GYPB: variants seen among roughly 807,000 people sequenced by gnomAD.
The protein encoded by GYPB is glycophorin B (MNS blood group).
Under a neutral mutation model 15.3 loss-of-function variants are expected in GYPB, and 13 were observed. The observed-to-expected ratio is 0.85, with a 90% CI of 0.55 to 1.35. GYPB has a LOEUF of 1.35. Ranked by LOEUF, GYPB falls within the 40% of genes most tolerant of loss-of-function variation. GYPB has a pLI of 0.00. For synonymous variants in GYPB, 38 were observed against 36.9 expected, an observed-to-expected ratio of 1.03 and a Z score of -0.11; for missense variants, 131 against 108.3, an observed-to-expected ratio of 1.21 and a Z score of -0.93.
intron 4 of GYPB, 163 bp downstream of exon 4, chr4:143,997,377 A>AAC (rs397792907): frequency 1.9e-6 from 1 of 525,592 alleles, no homozygotes; most frequent in Non-Finnish European, 3.5e-6. Flanking sequence ...GCAAAAAAAA[A>AAC]ATTCTGCTAG....
At chr4:144,000,081 A>T in intron 2 of GYPB, 2 of 174,270 alleles carry the variant, frequency 1.1e-5, no homozygotes, top group East Asian at 1.7e-4. Context: ...CTCTTATACC[A>T]AAGCCACACA....
chr4:144,004,812 A>G (rs745863021), intron 1 of GYPB, among the ~76,000 whole-genome samples: 53 of 151,986 alleles, frequency 3.5e-4, no homozygotes, highest in Non-Finnish European at 6.8e-4. Flanking sequence ...GCTAATAGAC[A>G]TCTGTGGACA....
Position 144,010,717 on chromosome 4 carries a change from C to T in GYPB, c.37+8534G>A, listed in dbSNP as rs149641115. 2.7e-3 allele frequency among the ~76,000 whole-genome samples: 402 copies of T among 151,398 alleles called. 5 individuals are homozygous for T. The highest frequency in any genetic ancestry group is 4.4e-3 in the Admixed American group (67 of 15,280). The stretch of plus-strand genomic sequence containing the variant: ...TAGCGTATGACATACCTGAAATGCA[C>T]TCACGGCCCGCACAAGCCATTGACC... On this transcript the variant is annotated intron_variant, in intron 1 of 4. Transcript: ENST00000502664.
intron 2 of GYPB, chr4:144,000,281 T>C: frequency 4.7e-6 from 1 of 214,074 alleles, no homozygotes; most frequent in South Asian, 7.5e-5. Context: ...AGTTGGGTTT[T>C]CTGTCACGAA....
chr4:144,003,412 C>A (rs987080799), intron 1 of GYPB, among the ~76,000 whole-genome samples: 5 of 151,254 alleles, frequency 3.3e-5, no homozygotes, highest in Non-Finnish European at 5.9e-5. Flanking sequence ...AGGTCCTTAT[C>A]ACTTCTTAAC....
At chr4:144,003,609 G>C (rs1727733907) in intron 1 of GYPB, among the ~76,000 whole-genome samples, 2 of 151,506 alleles carry the variant, frequency 1.3e-5, no homozygotes, top group South Asian at 4.1e-4. Context: ...TTTAAGCAAA[G>C]TATATGTAAC....
intron 1 of GYPB, chr4:144,008,345 T>G: frequency 2.2e-6 from 1 of 453,574 alleles, no homozygotes; most frequent in Non-Finnish European, 4.4e-6. Context: ...AAGCCTTCAC[T>G]TCAGCAAATC....
chr4:144,005,647 A>G (rs1228643181), intron 1 of GYPB, among the ~76,000 whole-genome samples: 2 of 151,664 alleles, frequency 1.3e-5, no homozygotes, highest in South Asian at 2.1e-4. Flanking sequence ...TCCAGTCTCT[A>G]CCTGAAAAAT....
chr4:143,999,732 A>C (rs12499906), intron 2 of GYPB, among the ~76,000 whole-genome samples: 41,798 of 151,196 alleles, frequency 0.28, 6,612 homozygotes, highest in Middle Eastern at 0.34. Context: ...GTATTGGAAG[A>C]ATCACTTATT....
chr4:143,996,099 A>G, downstream of GYPB: 3 of 1,370,618 alleles, frequency 2.2e-6, no homozygotes, highest in Non-Finnish European at 9.7e-7. Context: ...ACTATAATAC[A>G]TGAAAACGGT....
At chr4:144,015,198 A>G (rs1448658711) in intron 1 of GYPB, among the ~76,000 whole-genome samples, 3 of 151,490 alleles carry the variant, frequency 2.0e-5, no homozygotes, top group Non-Finnish European at 4.4e-5. Context: ...TTCTCTTTGC[A>G]GAAAATTTAG....
intron 1 of GYPB, among the ~76,000 whole-genome samples, chr4:144,015,311 G>C (rs1728432432): frequency 6.6e-6 from 1 of 150,940 alleles, no homozygotes; most frequent in Non-Finnish European, 1.5e-5. Flanking sequence ...TTTTAGTTTA[G>C]TTCATTTATC....
chr4:144,004,237 A>T (rs1727767578), intron 1 of GYPB, among the ~76,000 whole-genome samples: 2 of 151,840 alleles, frequency 1.3e-5, no homozygotes, highest in Admixed American at 1.3e-4. Flanking sequence ...ATAATTTGAT[A>T]AAAATTGTTT....
At chr4:144,017,385 T>A (rs1268487515) in intron 1 of GYPB, among the ~76,000 whole-genome samples, 1 of 150,982 alleles carries the variant, frequency 6.6e-6, no homozygotes, top group African/African-American at 2.5e-5. Context: ...TTCACCATGT[T>A]TAGTCTTCGG....
intron 1 of GYPB, among the ~76,000 whole-genome samples, chr4:144,017,501 C>G (rs755058710): frequency 6.0e-5 from 9 of 151,226 alleles, no homozygotes; most frequent in Non-Finnish European, 1.2e-4. Context: ...AAGATGATAA[C>G]AGCTTGGGTA....
At chr4:143,996,041 C>T (rs1727291914), downstream of GYPB, 2 of 945,280 alleles carry the variant, frequency 2.1e-6, no homozygotes, top group Middle Eastern at 3.6e-4. Context: ...ATCTATCCTA[C>T]TGTAATGGGC....
chr4:143,998,502 A>C (rs1426716460), intron 3 of GYPB, among the ~76,000 whole-genome samples: 1 of 149,104 alleles, frequency 6.7e-6, no homozygotes, highest in East Asian at 1.9e-4. Flanking sequence ...ATAGTGATGA[A>C]GTTCTATGAT....
chr4:144,012,361 T>C (rs1728257727), intron 1 of GYPB: 1 of 151,594 alleles, frequency 6.6e-6, no homozygotes, highest in South Asian at 2.1e-4. Context: ...CAAAATTTAC[T>C]TAATCTCTAT....
In GYPB at chr4:143,996,253, G is replaced by A. The variant is rs1376724269; in HGVS notation, c.*46C>T. On this transcript the variant is annotated 3_prime_UTR_variant, in exon 5 of 5. Transcript: ENST00000502664. The stretch of plus-strand genomic sequence containing the variant: ...GTTTGCATAAACAAGAGAACAGCAG[G>A]TGCAGCCGGTTCTAGGCAAGATCAG... 6.4e-7 allele frequency: 1 copy of A among 1,550,394 alleles called. No individual in the cohort carries two copies. Among genetic ancestry groups the A allele is most frequent in the Non-Finnish European group, 8.7e-7 (1 of 1,146,856 alleles).
Sources: allele counts gnomAD v4.1 joint callset (sites outside exome capture counted in the v4.1 genomes callset), GRCh38; gene constraint gnomAD v4.1.1; transcripts MANE v1.5; gene names NCBI Gene and HGNC (gene_info 2026-07-23, HGNC 2026-07-21).